Variants in SNX29 observed in about 807,000 individuals in gnomAD.
SNX29 encodes the protein sorting nexin 29.
SNX29 carries 78 observed loss-of-function variants against 102.1 expected under a neutral mutation model. That is an observed-to-expected ratio of 0.76 (90% confidence interval 0.64 to 0.92). The LOEUF is 0.92. Ranked by LOEUF, SNX29 falls within the 40% of genes least tolerant of loss-of-function variation. The pLI is 0.00. For synonymous variants in SNX29, 580 were observed against 414.5 expected (o/e 1.40, Z -4.85); for missense variants, 1,280 against 1,061.7 (o/e 1.21, Z -2.86).
At chr16:12,194,240 G>A (rs2076715220) in intron 13 of SNX29, among the ~76,000 whole-genome samples, 2 of 152,130 alleles carry the variant, frequency 1.3e-5, no homozygotes, top group African/African-American at 2.4e-5. Flanking sequence ...TCATCTTTTG[G>A]AGCTGTTATA....
chr16:12,541,284 A>T (rs1432903176), intron 20 of SNX29, among the ~76,000 whole-genome samples: 1 of 152,174 alleles, frequency 6.6e-6, no homozygotes, highest in East Asian at 1.9e-4. Flanking sequence ...GCAGGGGAAT[A>T]CCACTAACAG....
At chr16:12,273,862 T>C (rs973013780) in intron 14 of SNX29, among the ~76,000 whole-genome samples, 2 of 152,200 alleles carry the variant, frequency 1.3e-5, no homozygotes, top group Non-Finnish European at 1.5e-5. Context: ...ATCTGGCTTC[T>C]TTCCCCTGGC....
chr16:12,454,203 C>G (rs150698908), intron 18 of SNX29, among the ~76,000 whole-genome samples: 151 of 152,244 alleles, frequency 9.9e-4, no homozygotes, highest in Admixed American at 2.7e-3. Flanking sequence ...AGGTGGAACT[C>G]CAGCAGCCGC....
chr16:12,472,626 G>A (rs762135638), intron 18 of SNX29, among the ~76,000 whole-genome samples: 43 of 151,812 alleles, frequency 2.8e-4, no homozygotes, highest in Non-Finnish European at 4.0e-4. Context: ...TTAGAACAGG[G>A]CACAGTCAAG....
chr16:12,079,045 C>G (rs954757126), intron 11 of SNX29, 130 bp downstream of exon 11: 1 of 778,536 alleles, frequency 1.3e-6, no homozygotes, highest in South Asian at 1.8e-5. Context: ...TGGTTGTAGA[C>G]TGGAGGTGTG....
chr16:12,504,320 T>A (rs1252108135), intron 19 of SNX29, among the ~76,000 whole-genome samples: 1 of 152,194 alleles, frequency 6.6e-6, no homozygotes, highest in African/African-American at 2.4e-5. Context: ...ATTTCCAGAA[T>A]TGTGCAGTTA....
At chr16:12,107,814 C>G (rs2053328821) in intron 11 of SNX29, among the ~76,000 whole-genome samples, 1 of 152,114 alleles carries the variant, frequency 6.6e-6, no homozygotes, top group African/African-American at 2.4e-5. Flanking sequence ...AGCAGGTGTT[C>G]TGCTACCCGT....
intron 20 of SNX29, among the ~76,000 whole-genome samples, chr16:12,554,644 C>T (rs2078209624): frequency 6.6e-6 from 1 of 152,234 alleles, no homozygotes; most frequent in African/African-American, 2.4e-5. Flanking sequence ...CCCCAGGTTT[C>T]ACCAGTTTGT....
chr16:12,009,236 G>A (rs1754550769), intron 3 of SNX29, among the ~76,000 whole-genome samples: 1 of 152,090 alleles, frequency 6.6e-6, no homozygotes, highest in Non-Finnish European at 1.5e-5. Context: ...AAGCTGCCAA[G>A]GTGTTGGTGG....
chr16:12,418,746 C>G (rs1260674242), intron 18 of SNX29, among the ~76,000 whole-genome samples: 1 of 152,114 alleles, frequency 6.6e-6, no homozygotes, highest in Non-Finnish European at 1.5e-5. Context: ...ACCTCCTAAC[C>G]TCAAGTGATC....
intron 18 of SNX29, among the ~76,000 whole-genome samples, chr16:12,454,755 T>G (rs1463834784): frequency 6.6e-6 from 1 of 152,148 alleles, no homozygotes; most frequent in Non-Finnish European, 1.5e-5. Context: ...AGTCTCACCC[T>G]GTCACCCAGG....
intron 15 of SNX29, among the ~76,000 whole-genome samples, chr16:12,339,988 C>T (rs747348155): frequency 2.0e-4 from 31 of 152,164 alleles, no homozygotes; most frequent in Non-Finnish European, 3.7e-4. Context: ...GAGGGGAATT[C>T]ATCTTGGGCA....
chr16:12,337,601 G>C (rs289672), intron 15 of SNX29, among the ~76,000 whole-genome samples: 151,992 of 152,324 alleles, frequency 1, 75,830 homozygotes, highest in Non-Finnish European at 1. Flanking sequence ...CTCGGCCTGC[G>C]AAAGTGCTAG....
chr16:12,302,261 T>C (rs1346137518), intron 15 of SNX29, among the ~76,000 whole-genome samples: 1 of 152,222 alleles, frequency 6.6e-6, no homozygotes, highest in Non-Finnish European at 1.5e-5. Context: ...CGTCAAACTT[T>C]ATGAAACTGA....
At chr16:12,188,735 G>C (rs1323913847) in intron 13 of SNX29, among the ~76,000 whole-genome samples, 1 of 152,092 alleles carries the variant, frequency 6.6e-6, no homozygotes, top group Non-Finnish European at 1.5e-5. Flanking sequence ...AATCAAACAA[G>C]CTTTTTACAG....
At position 12,115,484 on chromosome 16, in the gene SNX29, T is replaced by TG. The variant is rs2053657855; in HGVS notation, c.1403-11149_1403-11148insG. Among the ~76,000 whole-genome samples the TG allele has an allele frequency of 1.6e-4, 20 of 128,286 alleles. No individual in the cohort carries two copies. In the South Asian group the frequency reaches 1.6e-3, roughly 10 times the overall value. 84.2% of individuals were successfully genotyped at this position (128,286 alleles called of 152,430 possible). ...TTGCCCCTGGGTTGCTCCACCTTGATTTGTGTGTGTGTGTGTGTGTGTGTG... is the reference window on the plus strand; with the variant it reads ...TTGCCCCTGGGTTGCTCCACCTTGATGTTGTGTGTGTGTGTGTGTGTGTGTG... On this transcript the variant is annotated intron_variant, in intron 11 of 20. Coordinates refer to ENST00000566228, the MANE Select transcript of SNX29 (RefSeq NM_032167.5).
intron 18 of SNX29, among the ~76,000 whole-genome samples, chr16:12,427,808 T>C (rs770129728): frequency 3.9e-5 from 6 of 152,212 alleles, no homozygotes; most frequent in Non-Finnish European, 7.3e-5. Flanking sequence ...TTCTTGAAAA[T>C]GACCCCATGA....
intron 5 of SNX29, among the ~76,000 whole-genome samples, chr16:12,045,560 C>G (rs1197880996): frequency 1.3e-5 from 2 of 151,452 alleles, no homozygotes; most frequent in African/African-American, 4.8e-5. Flanking sequence ...GCCTCCTAGC[C>G]TTTTCCAAGG....
At chr16:12,209,830 T>C (rs1385878765) in intron 14 of SNX29, among the ~76,000 whole-genome samples, 2 of 152,188 alleles carry the variant, frequency 1.3e-5, no homozygotes, top group African/African-American at 4.8e-5. Flanking sequence ...GGCATGACTT[T>C]AGGACACTGG....
Sources: allele counts gnomAD v4.1 joint callset (sites outside exome capture counted in the v4.1 genomes callset), GRCh38; gene constraint gnomAD v4.1.1; transcripts MANE v1.5; gene names NCBI Gene and HGNC (gene_info 2026-07-23, HGNC 2026-07-21).